WASL: variants seen among roughly 807,000 people sequenced by gnomAD.
WASL encodes the protein actin nucleation-promoting factor WASL.
Under a neutral mutation model 55.5 loss-of-function variants are expected in WASL, and 20 were observed. That is an observed-to-expected ratio of 0.36 (90% CI 0.25 to 0.52). The LOEUF (loss-of-function observed/expected upper bound fraction) is 0.52, where lower values mean the gene tolerates loss of function less well. Among genes scored for constraint, WASL ranks in the 20% least tolerant of loss-of-function variants. The pLI, the probability that WASL is intolerant of heterozygous loss-of-function variation, is 0.92. For missense variants in WASL, 504 were observed against 622.5 expected, an observed-to-expected ratio of 0.81 and a Z score of 2.03; for synonymous variants, 249 against 217.6, an observed-to-expected ratio of 1.14 and a Z score of -1.27.
intron 1 of WASL, among the ~76,000 whole-genome samples, chr7:123,721,197 ATT>A (rs1056852962): frequency 6.6e-6 from 1 of 152,198 alleles, no homozygotes; most frequent in Non-Finnish European, 1.5e-5. Context: ...GCAAATTAAA[ATT>A]TTTTGTCTTC....
At chr7:123,684,795 G>A (rs1017318319) in intron 10 of WASL, among the ~76,000 whole-genome samples, 1 of 151,866 alleles carries the variant, frequency 6.6e-6, no homozygotes, top group African/African-American at 2.4e-5. Context: ...GAAGACAATG[G>A]TTCTAGTTCC....
At chr7:123,718,817 G>C (rs969470331) in intron 1 of WASL, among the ~76,000 whole-genome samples, 4 of 152,234 alleles carry the variant, frequency 2.6e-5, no homozygotes, top group Admixed American at 1.3e-4. Context: ...CTTACTGTTA[G>C]AAAATTTTAA....
intron 1 of WASL, among the ~76,000 whole-genome samples, chr7:123,721,055 A>G (rs1171816114): frequency 6.6e-6 from 1 of 152,204 alleles, no homozygotes; most frequent in African/African-American, 2.4e-5. Flanking sequence ...CTAGGGGCTT[A>G]AACTAATAAA....
At position 123,700,202 on chromosome 7, in the gene WASL, AAAAAAC is replaced by A. The variant is rs1271163304; in HGVS notation, c.461-3461_461-3456del. 4.3e-3 allele frequency among the ~76,000 whole-genome samples: 336 copies of A among 77,450 alleles called. 36 individuals carry two copies. Among genetic ancestry groups the A allele is most frequent in the Middle Eastern group, 0.019 (3 of 156 alleles). 50.8% of individuals were successfully genotyped at this position (77,450 alleles called of 152,430 possible). A position where few individuals can be genotyped will look rare whatever the true frequency, so the allele number is the denominator to read the frequency against. Reference sequence around the variant, plus strand: ...AAAAAAAAAAAAAAAAAAAAAAAAAAAAAAACAACATTATTTAAGTAAGACTATAAA... The same window carrying A: ...AAAAAAAAAAAAAAAAAAAAAAAAAAAACATTATTTAAGTAAGACTATAAA... On this transcript the variant is annotated intron_variant, in intron 5 of 10. Coordinates refer to ENST00000223023, the MANE Select transcript of WASL (RefSeq NM_003941.4).
At chr7:123,688,596 A>C (rs1803337227) in intron 10 of WASL, among the ~76,000 whole-genome samples, 1 of 152,108 alleles carries the variant, frequency 6.6e-6, no homozygotes, top group South Asian at 2.1e-4. Context: ...TCCCGACCTC[A>C]GGTGATCCAC....
At chr7:123,690,199 A>G (rs1803378859) in intron 9 of WASL, among the ~76,000 whole-genome samples, 1 of 152,218 alleles carries the variant, frequency 6.6e-6, no homozygotes, top group Admixed American at 6.5e-5. Context: ...TGATAATGTA[A>G]AGCAGAGAGC....
At position 123,692,822 on chromosome 7, in the gene WASL, G is replaced by A; in HGVS notation, c.872C>T (p.Pro291Leu). ...PPSRGGPPPP[P>L]PPPHNSGPPP... ...AGGACCTGAGTTGTGTGGAGGGGGA[G>A]GAGGAGGAGGTGGCCCTCCCCTTGA... The change falls in exon 9 of 11, where the codon CCT (proline) becomes CTT (leucine). Residue 291 changes from proline to leucine, a missense_variant. This residue lies in a region of WASL where 201 missense variants were observed against 206.2 expected (regional missense o/e 0.97). Transcript: ENST00000223023. The A allele has an allele frequency of 7.1e-7, 1 of 1,404,060 alleles. No individual in the cohort carries two copies. 87.0% of individuals were successfully genotyped at this position (1,404,060 alleles called of 1,614,324 possible).
At chr7:123,711,131 C>A (rs141180157) in intron 1 of WASL, among the ~76,000 whole-genome samples, 226 of 151,992 alleles carry the variant, frequency 1.5e-3, no homozygotes, top group African/African-American at 5.1e-3. Context: ...TAACAGCTCA[C>A]ACACACACAC....
Position 123,693,336 on chromosome 7 carries a change from T to C in WASL, c.827-469A>G, listed in dbSNP as rs78229151. Among the ~76,000 whole-genome samples the C allele has an allele frequency of 2.3e-4, 35 of 152,360 alleles. No homozygotes were observed. The East Asian group carries it at 6.7e-3, about 29-fold the overall frequency. ...AGAATTATAGTGTAGCATAGCTTAA[T>C]AGAATTCATTCACATTAATCTGCGC... On this transcript the variant is annotated intron_variant, in intron 8 of 10. Transcript: ENST00000223023.
chr7:123,730,789 A>G (rs1804124641), intron 1 of WASL, among the ~76,000 whole-genome samples: 1 of 152,142 alleles, frequency 6.6e-6, no homozygotes, highest in South Asian at 2.1e-4. Context: ...CAAGAAACCT[A>G]TTTTATTTAT....
chr7:123,684,948 T>A (rs1391941620), intron 10 of WASL, among the ~76,000 whole-genome samples: 1 of 151,994 alleles, frequency 6.6e-6, no homozygotes, highest in South Asian at 2.1e-4. Flanking sequence ...CCTTCCCCAA[T>A]CTTCTTTTCC....
chr7:123,695,801 T>C lies in WASL; in HGVS notation c.672+22A>G, dbSNP rs181136174. 730 of 1,610,746 alleles carry C rather than the reference T, an allele frequency of 4.5e-4. 3 individuals are homozygous for C. In the African/African-American group the frequency reaches 8.7e-3, roughly 19 times the overall value. ...CATTTCCACATACAGTTATAACGTA[T>C]ATGATTTGAAAACATACTTACATCA... is the stretch of plus-strand genomic sequence containing the variant. On this transcript the variant is annotated intron_variant, in intron 7 of 10. Transcript: ENST00000223023.
intron 1 of WASL, among the ~76,000 whole-genome samples, chr7:123,743,660 T>C (rs1804384907): frequency 6.6e-6 from 1 of 152,214 alleles, no homozygotes; most frequent in Non-Finnish European, 1.5e-5. Context: ...CTGAATAGTA[T>C]TCATAACAAC....
chr7:123,706,851 T>A, intron 2 of WASL, 25 bp from the exon 3 acceptor site: 1 of 1,384,758 alleles, frequency 7.2e-7, no homozygotes, highest in Non-Finnish European at 9.9e-7. Flanking sequence ...AAAATTAAAA[T>A]AAGAACTACC....
chr7:123,690,519 C>T (rs946802558), intron 9 of WASL, among the ~76,000 whole-genome samples: 1 of 71,542 alleles, frequency 1.4e-5, no homozygotes, highest in Admixed American at 1.4e-4. Flanking sequence ...ATTATGCACC[C>T]TATGATTGCA....
intron 1 of WASL, 58 bp downstream of exon 1, chr7:123,748,560 C>T (rs1047175754): frequency 1.3e-6 from 2 of 1,584,160 alleles, no homozygotes; most frequent in Non-Finnish European, 1.7e-6. Flanking sequence ...TTCCCGGCCC[C>T]CAAGCCCGGG....
intron 1 of WASL, among the ~76,000 whole-genome samples, chr7:123,718,677 G>T (rs1803887882): frequency 6.6e-6 from 1 of 152,156 alleles, no homozygotes; most frequent in Non-Finnish European, 1.5e-5. Context: ...TTACAGGCAT[G>T]AACCACCATG....
chr7:123,713,142 A>G (rs1040259481), intron 1 of WASL, among the ~76,000 whole-genome samples: 10 of 152,272 alleles, frequency 6.6e-5, no homozygotes, highest in Admixed American at 3.3e-4. Flanking sequence ...AAAATATTTA[A>G]ACATATTTTC....
chr7:123,686,555 T>G (rs1173780826), intron 10 of WASL, among the ~76,000 whole-genome samples: 1 of 152,138 alleles, frequency 6.6e-6, no homozygotes, highest in East Asian at 1.9e-4. Context: ...TTTCATTATA[T>G]TAGCGTGACT....
Sources: allele counts gnomAD v4.1 joint callset (sites outside exome capture counted in the v4.1 genomes callset), GRCh38; gene constraint gnomAD v4.1.1; regional missense constraint gnomAD v4.1.1; transcripts MANE v1.5; gene names NCBI Gene and HGNC (gene_info 2026-07-23, HGNC 2026-07-21).